TUBGCP5: variants seen among roughly 807,000 people sequenced by gnomAD.
TUBGCP5 encodes gamma-tubulin complex component 5.
TUBGCP5 carries 98 observed loss-of-function variants against 134.7 expected under a neutral mutation model. The observed-to-expected ratio is 0.73, with a 90% confidence interval of 0.62 to 0.86. The LOEUF is 0.86. TUBGCP5 is among the 40% of genes least tolerant of loss of function. The probability of loss-of-function intolerance (pLI) is 0.00; values close to 1 mark genes in which losing one functional copy is unlikely to be tolerated. For synonymous variants in TUBGCP5, 456 were observed against 431.4 expected (o/e 1.06, Z -0.71); for missense variants, 1,150 against 1,244.8 (o/e 0.92, Z 1.15).
rs568774503 is a variant in TUBGCP5 at position 23,035,806 on chromosome 15, T to G, written c.309+1091A>C. On this transcript the variant is annotated intron_variant, in intron 3 of 22. Coordinates refer to ENST00000615383, the MANE Select transcript of TUBGCP5 (RefSeq NM_052903.6). ...GTGGGGGCTGTGGACACAGAGGGGA[T>G]AGTGAAGCAGACAAGACTGCACAGC... Among the ~76,000 whole-genome samples the G allele has an allele frequency of 3.3e-4, 50 of 152,182 alleles. 2 individuals carry two copies. The South Asian group carries it at 9.6e-3, about 29-fold the overall frequency.
intron 21 of TUBGCP5, among the ~76,000 whole-genome samples, chr15:23,001,820 C>G (rs12899205): frequency 0.087 from 13,285 of 152,104 alleles, 1,049 homozygotes; most frequent in East Asian, 0.46. Context: ...GCACCACAGT[C>G]ATGAATATTT....
At chr15:22,991,231 G>A (rs930430363) in intron 23 of TUBGCP5, among the ~76,000 whole-genome samples, 1 of 152,012 alleles carries the variant, frequency 6.6e-6, no homozygotes, top group African/African-American at 2.4e-5. Flanking sequence ...TTGAGTAGCT[G>A]GGATTACAGG....
In TUBGCP5 at chr15:23,032,002, T is replaced by A. The variant is rs1205747020; in HGVS notation, c.434A>T (p.Lys145Ile). 1.2e-6 allele frequency: 2 copies of A among 1,612,592 alleles called. No individual in the cohort carries two copies. The highest frequency in any genetic ancestry group is 4.5e-5 in the East Asian group (2 of 44,856). Reference protein sequence around the residue: ...VEKKDDFDWGKYLMEDEEMDI... With the variant: ...VEKKDDFDWGIYLMEDEEMDI... ...CATTTCTTCATCTTCCATCAAGTATTTTCCCCAGTCGAAATCATCTTTCTT... is the reference window on the plus strand; with the variant it reads ...CATTTCTTCATCTTCCATCAAGTATATTCCCCAGTCGAAATCATCTTTCTT... The change falls in exon 5 of 23, where the codon AAA becomes ATA. Residue 145 changes from lysine (K) to isoleucine (I), a missense_variant. By Grantham distance (102) the Lys-to-Ile change is moderately radical. Transcript: ENST00000615383.
chr15:23,015,666 C>T (rs759123347), intron 13 of TUBGCP5, among the ~76,000 whole-genome samples: 15 of 152,078 alleles, frequency 9.9e-5, no homozygotes, highest in African/African-American at 3.6e-4. Flanking sequence ...GGATTATAGG[C>T]GTGAGCCACC....
Position 23,003,073 on chromosome 15 carries a change from G to A in TUBGCP5, c.2919C>T (p.Gly973=), listed in dbSNP as rs2064485056. Residue 973 remains glycine (G), a synonymous_variant, in exon 21 of 23, where the codon GGC becomes GGT. Coordinates refer to ENST00000615383, the MANE Select transcript of TUBGCP5 (RefSeq NM_052903.6). Reference sequence around the variant, plus strand: ...AGAAATCACATACTTACCGCCAAGTGCCCAGGCCTGCCTGCCAACCGTCTG... The same window carrying A: ...AGAAATCACATACTTACCGCCAAGTACCCAGGCCTGCCTGCCAACCGTCTG... ...MFADGWQAGL[G]TWRMESIEKM... 2 of 1,614,060 alleles carry A rather than the reference G, an allele frequency of 1.2e-6. No homozygotes were observed. The highest frequency in any genetic ancestry group is 1.7e-6 in the Non-Finnish European group (2 of 1,179,982).
At chr15:23,039,373 C>A in intron 1 of TUBGCP5, 25 bp downstream of exon 1, 1 of 1,398,630 alleles carries the variant, frequency 7.1e-7, no homozygotes, top group African/African-American at 1.5e-5. Context: ...TGGCCGGGAA[C>A]CCGCCCGCGC....
At chr15:23,011,427 G>A (rs2065025649) in intron 13 of TUBGCP5, 96 bp from the exon 14 acceptor site, 7 of 470,122 alleles carry the variant, frequency 1.5e-5, no homozygotes, top group Non-Finnish European at 2.1e-5. Context: ...AATATATTAA[G>A]TAACAAAATC....
intron 21 of TUBGCP5, among the ~76,000 whole-genome samples, chr15:23,000,949 A>T (rs1156265342): frequency 1.3e-5 from 2 of 152,166 alleles, no homozygotes; most frequent in Non-Finnish European, 2.9e-5. Context: ...TTTCCTTTAT[A>T]CAGTCTTGTT....
Position 22,991,354 on chromosome 15 carries a change from C to T in TUBGCP5, c.*61+5491G>A, listed in dbSNP as rs1258443992. Among the ~76,000 whole-genome samples, 6 of 152,258 alleles carry T rather than the reference C, an allele frequency of 3.9e-5. No homozygotes were observed. In the East Asian group the frequency reaches 1.2e-3, roughly 29 times the overall value. On this transcript the variant is annotated intron_variant and NMD_transcript_variant, in intron 23 of 23. Coordinates refer to the TUBGCP5 transcript ENST00000614508. ...CAGGTGATCCGCCTGCCTCGGCCTCCCAAAGTGCTGGGATTACAGGTGTGA... is the reference window on the plus strand; with the variant it reads ...CAGGTGATCCGCCTGCCTCGGCCTCTCAAAGTGCTGGGATTACAGGTGTGA...
intron 8 of TUBGCP5, 91 bp downstream of exon 8, chr15:23,026,025 G>A: frequency 9.8e-7 from 1 of 1,023,126 alleles, no homozygotes. Flanking sequence ...GTTTGCATGT[G>A]AAAATGCTTG....
intron 16 of TUBGCP5, among the ~76,000 whole-genome samples, chr15:23,006,695 G>A (rs866613464): frequency 2.0e-5 from 3 of 152,126 alleles, no homozygotes; most frequent in African/African-American, 7.2e-5. Flanking sequence ...GTGGGCAGGA[G>A]AGGACGAGCA....
chr15:22,985,368 G>A (rs1014657788), intron 23 of TUBGCP5, among the ~76,000 whole-genome samples: 1 of 151,734 alleles, frequency 6.6e-6, no homozygotes, highest in African/African-American at 2.4e-5. Flanking sequence ...ACAGGCATGC[G>A]CCACCACTCC....
chr15:23,020,135 G>A (rs752515158), intron 11 of TUBGCP5, among the ~76,000 whole-genome samples: 7 of 151,904 alleles, frequency 4.6e-5, no homozygotes, highest in Non-Finnish European at 7.4e-5. Context: ...ACAGCTGGGT[G>A]TGGTGGCTCA....
At chr15:23,004,279 T>G (rs1291340518) in intron 19 of TUBGCP5, 52 bp from the exon 20 acceptor site, 14 of 1,587,762 alleles carry the variant, frequency 8.8e-6, no homozygotes, top group Middle Eastern at 3.3e-4. Context: ...TGAGGACTTG[T>G]GTGCTGCACA....
At chr15:23,001,908 A>G (rs1053401595) in intron 21 of TUBGCP5, among the ~76,000 whole-genome samples, 10 of 152,146 alleles carry the variant, frequency 6.6e-5, no homozygotes, top group Non-Finnish European at 1.3e-4. Flanking sequence ...CAAAAATATC[A>G]TCTAATAGCA....
intron 23 of TUBGCP5, among the ~76,000 whole-genome samples, chr15:22,989,789 A>G (rs2063792938): frequency 6.6e-6 from 1 of 152,184 alleles, no homozygotes; most frequent in African/African-American, 2.4e-5. Context: ...ACCTTGTTCA[A>G]GCTGGAGTGG....
chr15:23,005,298 T>C, intron 19 of TUBGCP5, 134 bp downstream of exon 19: 1 of 989,370 alleles, frequency 1.0e-6, no homozygotes, highest in Non-Finnish European at 1.5e-6. Context: ...TGTTATTTTA[T>C]GATCAAATTT....
intron 5 of TUBGCP5, among the ~76,000 whole-genome samples, chr15:23,031,484 T>G (rs2066309592): frequency 6.6e-6 from 1 of 152,122 alleles, no homozygotes; most frequent in South Asian, 2.1e-4. Context: ...ACCCAGCTAA[T>G]TTTTTGTATT....
chr15:23,005,565 A>C lies in TUBGCP5; in HGVS notation c.2579T>G (p.Ile860Arg). The C allele has an allele frequency of 6.2e-7, 1 of 1,614,132 alleles. No individual in the cohort carries two copies. Among genetic ancestry groups the C allele is most frequent in the Non-Finnish European group, 8.5e-7 (1 of 1,180,006 alleles). Reference sequence around the variant, plus strand: ...CTGAGCAACTGTGTCTTGTTCATGTATAAGGCCTTCTTTAAGTCGTGGTTT... The same window carrying C: ...CTGAGCAACTGTGTCTTGTTCATGTCTAAGGCCTTCTTTAAGTCGTGGTTT... The part of the protein sequence containing the change: ...AEKPRLKEGL[I>R]HEQDTVAQFG... The change falls in exon 19 of 23, where the codon ATA becomes AGA. Residue 860 changes from isoleucine to arginine, a missense_variant. Transcript: ENST00000615383.
Sources: gnomAD v4.1 joint callset for allele counts (sites outside exome capture counted in the v4.1 genomes callset) on GRCh38, gnomAD v4.1.1 for gene constraint, MANE v1.5 for transcripts, NCBI Gene and HGNC (gene_info 2026-07-23, HGNC 2026-07-21) for gene names.